LMTK2: variants seen among roughly 807,000 people sequenced by gnomAD.
The protein encoded by LMTK2 is lemur tail kinase 2.
LMTK2 carries 37 observed loss-of-function variants against 127.5 expected under a neutral mutation model. That is an observed-to-expected ratio of 0.29 (90% CI 0.22 to 0.38). The LOEUF is 0.38. LMTK2 is among the 10% of genes least tolerant of loss of function. The probability of loss-of-function intolerance (pLI) is 1.00; values close to 1 mark genes in which losing one functional copy is unlikely to be tolerated. For missense variants in LMTK2, 1,694 were observed against 1,920.3 expected (o/e 0.88, Z 2.20); for synonymous variants, 819 against 810.1 (o/e 1.01, Z -0.19).
At chr7:98,159,672 A>C (rs1381690408) in intron 6 of LMTK2, among the ~76,000 whole-genome samples, 1 of 152,042 alleles carries the variant, frequency 6.6e-6, no homozygotes, top group East Asian at 1.9e-4. Flanking sequence ...ATGATAACAA[A>C]CTCCAGAGTT....
intron 1 of LMTK2, 61 bp from the exon 2 acceptor site, chr7:98,137,254 C>A: frequency 6.7e-7 from 1 of 1,491,742 alleles, no homozygotes; most frequent in Non-Finnish European, 9.1e-7. Context: ...TATATTGATT[C>A]ACTAATTAAA....
At chr7:98,113,348 C>A (rs1796231524) in intron 1 of LMTK2, among the ~76,000 whole-genome samples, 1 of 152,146 alleles carries the variant, frequency 6.6e-6, no homozygotes, top group African/African-American at 2.4e-5. Flanking sequence ...CTGAGGCCTC[C>A]CCAGCCATGT....
intron 5 of LMTK2, 46 bp from the exon 6 acceptor site, chr7:98,159,292 T>C (rs1342240441): frequency 1.6e-6 from 2 of 1,260,906 alleles, no homozygotes; most frequent in Non-Finnish European, 2.2e-6. Flanking sequence ...ATAATGTTAT[T>C]ATCATGCTTC....
chr7:98,144,417 A>G (rs1243138861), intron 3 of LMTK2, among the ~76,000 whole-genome samples: 1 of 151,526 alleles, frequency 6.6e-6, no homozygotes, highest in Non-Finnish European at 1.5e-5. Context: ...TAGGGGACAA[A>G]GCGAGACTCT....
intron 1 of LMTK2, among the ~76,000 whole-genome samples, chr7:98,122,672 T>C (rs1478992383): frequency 6.7e-6 from 1 of 149,524 alleles, no homozygotes; most frequent in Non-Finnish European, 1.5e-5. Context: ...TGAATAACTC[T>C]ACATGGTGTG....
intron 9 of LMTK2, among the ~76,000 whole-genome samples, chr7:98,187,674 G>A (rs1797460439): frequency 6.7e-6 from 1 of 149,984 alleles, no homozygotes; most frequent in Non-Finnish European, 1.5e-5. Flanking sequence ...TGTAGTCTCG[G>A]CTCACGGCTC....
In LMTK2 at chr7:98,137,340, T is replaced by A; in HGVS notation, c.129T>A (p.Val43=). ...GAGEAPPAAE[V]SSSFVILCVC... is the part of the protein sequence containing the mutation. ...GGGAGGCGCCACCTGCTGCAGAAGT[T>A]TCCTCATCTTTTGTGATCCTGTGTG... is the stretch of plus-strand genomic sequence containing the variant. The change falls in exon 2 of 14, where the codon GTT becomes GTA. Residue 43 remains valine (V), a synonymous_variant. Coordinates refer to ENST00000297293, the MANE Select transcript of LMTK2 (RefSeq NM_014916.4). 1 of 1,612,696 alleles carries A rather than the reference T, an allele frequency of 6.2e-7. No homozygotes were observed. Among genetic ancestry groups the A allele is most frequent in the East Asian group, 2.2e-5 (1 of 44,880 alleles).
At chr7:98,203,230 G>A (rs965181710) in intron 11 of LMTK2, among the ~76,000 whole-genome samples, 4 of 152,232 alleles carry the variant, frequency 2.6e-5, no homozygotes, top group Non-Finnish European at 5.9e-5. Flanking sequence ...TTTGGATTCC[G>A]GGCTGACCTG....
chr7:98,162,040 A>G (rs1386715334), intron 6 of LMTK2, among the ~76,000 whole-genome samples: 1 of 152,200 alleles, frequency 6.6e-6, no homozygotes, highest in Non-Finnish European at 1.5e-5. Flanking sequence ...GCCCTTCTGC[A>G]TGCGTTCTTG....
intron 6 of LMTK2, among the ~76,000 whole-genome samples, chr7:98,169,409 A>C (rs1797152353): frequency 6.6e-6 from 1 of 152,246 alleles, no homozygotes; most frequent in Non-Finnish European, 1.5e-5. Context: ...CTTGAGAAGC[A>C]GCCACGCCCG....
intron 11 of LMTK2, among the ~76,000 whole-genome samples, chr7:98,196,976 G>C (rs1265284304): frequency 6.6e-6 from 1 of 152,256 alleles, no homozygotes; most frequent in East Asian, 1.9e-4. Flanking sequence ...CGAGGACTGA[G>C]GGTTTCCTCC....
intron 3 of LMTK2, among the ~76,000 whole-genome samples, chr7:98,144,827 T>C (rs1796747191): frequency 6.6e-6 from 1 of 152,032 alleles, no homozygotes; most frequent in South Asian, 2.1e-4. Flanking sequence ...CCAACATACC[T>C]TGCAGATCTT....
intron 1 of LMTK2, among the ~76,000 whole-genome samples, chr7:98,128,469 T>TA (rs1171344036): frequency 3.9e-5 from 6 of 152,160 alleles, no homozygotes; most frequent in African/African-American, 1.4e-4. Context: ...CCTAGTCCTC[T>TA]AGGACTGTGA....
In LMTK2 at chr7:98,140,163, T is replaced by TTTC. The variant is rs1246300900; in HGVS notation, c.232-1232_232-1231insCTT. Among the ~76,000 whole-genome samples the TTTC allele has an allele frequency of 1.6e-3, 13 of 7,884 alleles. 2 individuals carry two copies. Among genetic ancestry groups the TTTC allele is most frequent in the African/African-American group, 5.6e-3 (12 of 2,130 alleles). 5.2% of individuals were successfully genotyped at this position (7,884 alleles called of 152,430 possible). On this transcript the variant is annotated intron_variant, in intron 2 of 13. Coordinates refer to ENST00000297293, the MANE Select transcript of LMTK2 (RefSeq NM_014916.4). ...CTTTCTTTTCTTTTCTTTTCTTTTCTTTTCTTTTCTTTCTTTTCTTTCTTC... is the reference window on the plus strand; with the variant it reads ...CTTTCTTTTCTTTTCTTTTCTTTTCTTTCTTTCTTTTCTTTCTTTTCTTTCTTC...
rs201178237 is a variant in LMTK2 at position 98,193,642 on chromosome 7, G to T, written c.3177G>T (p.Thr1059=). 18 of 1,613,978 alleles carry T rather than the reference G, an allele frequency of 1.1e-5. No homozygotes were observed. Among genetic ancestry groups the T allele is most frequent in the Non-Finnish European group, 1.4e-5 (16 of 1,180,030 alleles). The change falls in exon 11 of 14, where the codon ACG becomes ACT. Residue 1059 remains threonine (T), a synonymous_variant. Transcript: ENST00000297293. This position sits in a 1 kb window ranked among gnomAD's most constrained non-coding sequence, Gnocchi z 4.1. ...CCGCAGACTCAGAACCAGCCACCAC[G>T]GGCGATGGCGGCCACAGCGGTCTGC... ...EGTADSEPAT[T]GDGGHSGLPP...
intron 1 of LMTK2, among the ~76,000 whole-genome samples, chr7:98,108,566 T>A (rs1796151514): frequency 6.6e-6 from 1 of 152,190 alleles, no homozygotes; most frequent in African/African-American, 2.4e-5. Context: ...TGAGGTGAAT[T>A]CTGTTTTCTG....
intron 9 of LMTK2, among the ~76,000 whole-genome samples, chr7:98,189,831 C>G (rs1470201497): frequency 1.3e-5 from 2 of 152,122 alleles, no homozygotes; most frequent in African/African-American, 4.8e-5. Flanking sequence ...TCCTGGCACA[C>G]AGCTGCCAGC....
rs531810722 is a variant in LMTK2, at chr7:98,156,999, G to T, written c.569+2123G>T. Among the ~76,000 whole-genome samples the T allele has an allele frequency of 3.3e-5, 5 of 152,286 alleles. No homozygotes were observed. The East Asian group carries it at 9.7e-4, about 29-fold the overall frequency. On this transcript the variant is annotated intron_variant, in intron 5 of 13. Transcript: ENST00000297293. ...ACGGTGCCTCAGGTCTATAATCCTAGCCTTTTGAGAAGCTGAGGCTGGAGG... is the reference window on the plus strand; with the variant it reads ...ACGGTGCCTCAGGTCTATAATCCTATCCTTTTGAGAAGCTGAGGCTGGAGG...
chr7:98,154,735 A>G, intron 4 of LMTK2, 23 bp from the exon 5 acceptor site: 10 of 1,486,256 alleles, frequency 6.7e-6, no homozygotes, highest in Non-Finnish European at 8.4e-6. Flanking sequence ...GAAATGACAC[A>G]AAAAACTGTT....
Sources: gnomAD v4.1 joint callset for allele counts (sites outside exome capture counted in the v4.1 genomes callset) on GRCh38, gnomAD v4.1.1 for gene constraint, Gnocchi (gnomAD v3.1) non-coding constraint, MANE v1.5 for transcripts, NCBI Gene and HGNC (gene_info 2026-07-23, HGNC 2026-07-21) for gene names.